The following CLEC16A variants were observed in gnomAD, a reference collection of about 807,000 sequenced individuals.
CLEC16A encodes protein CLEC16A.
CLEC16A carries 51 observed loss-of-function variants against 109.5 expected under a neutral mutation model. The observed-to-expected ratio is 0.47, with a 90% CI of 0.37 to 0.59. CLEC16A has a LOEUF of 0.59. CLEC16A is among the 20% of genes least tolerant of loss of function. The probability of loss-of-function intolerance (pLI) is 0.00; values close to 1 mark genes in which losing one functional copy is unlikely to be tolerated. For synonymous variants in CLEC16A, 673 were observed against 564.2 expected, an observed-to-expected ratio of 1.19 and a Z score of -2.73; for missense variants, 1,339 against 1,394.0, an observed-to-expected ratio of 0.96 and a Z score of 0.63.
At chr16:11,073,231 G>A (rs896925230) in intron 19 of CLEC16A, among the ~76,000 whole-genome samples, 2 of 152,148 alleles carry the variant, frequency 1.3e-5, no homozygotes, top group African/African-American at 4.8e-5. Flanking sequence ...CCGTGTTTTT[G>A]TCTTTAAAGG....
At chr16:11,168,996 G>A (rs1472461577) in intron 23 of CLEC16A, among the ~76,000 whole-genome samples, 2 of 152,226 alleles carry the variant, frequency 1.3e-5, no homozygotes, top group Non-Finnish European at 2.9e-5. Flanking sequence ...TATCCTTGGA[G>A]GGCCAGCCAG....
chr16:11,166,358 C>T (rs776798129), intron 22 of CLEC16A, 30 bp from the exon 23 acceptor site: 2 of 1,573,724 alleles, frequency 1.3e-6, no homozygotes, highest in Non-Finnish European at 1.7e-6. Flanking sequence ...TCTTTGCTTC[C>T]ACTTGGTCAC....
rs1292179816 is a variant in CLEC16A, at chr16:11,126,123, T to C, written c.2618T>C (p.Phe873Ser). ...SSDPTVQRSV[F>S]ASVDKVPGFA... The stretch of plus-strand genomic sequence containing the variant: ...GACCCCACAGTGCAGCGCTCCGTGT[T>C]TGCATCGGTGGACAAGGTGCCAGGT... The change falls in exon 22 of 24, where the codon TTT becomes TCT. Residue 873 changes from phenylalanine (F) to serine (S), a missense_variant. Physicochemically the swap from Phe to Ser is radical, Grantham distance 155. Around this residue, in one of 3 missense-constraint regions of CLEC16A, gnomAD observed 1,061 missense variants for 1,006.8 expected, o/e 1.05. Coordinates refer to ENST00000409790, the MANE Select transcript of CLEC16A (RefSeq NM_015226.3). 6.2e-7 allele frequency: 1 copy of C among 1,613,652 alleles called. No individual in the cohort carries two copies. The highest frequency in any genetic ancestry group is 1.1e-5 in the South Asian group (1 of 91,058).
chr16:11,126,549 C>T, intron 22 of CLEC16A: 1 of 580,066 alleles, frequency 1.7e-6, no homozygotes, highest in Non-Finnish European at 2.7e-6. Context: ...AGTGAGACTT[C>T]AAAAGAAGGC....
rs1597639084 is a variant in CLEC16A, at chr16:11,174,561, CCTT to C, written c.2807-3771_2807-3769del. The stretch of plus-strand genomic sequence containing the variant: ...GACCTGTACAGCCTGGAAACGCTGT[CCTT>C]CTCTGTGACATGTGCACCAGTGTCA... On this transcript the variant is annotated intron_variant, in intron 23 of 23. Coordinates refer to ENST00000409790, the MANE Select transcript of CLEC16A (RefSeq NM_015226.3). The surrounding 1 kb of genome is among the most constrained non-coding windows in gnomAD (Gnocchi z 4.7). 1.3e-5 allele frequency among the ~76,000 whole-genome samples: 2 copies of C among 152,248 alleles called. No individual in the cohort carries two copies. The highest frequency in any genetic ancestry group is 2.9e-5 in the Non-Finnish European group (2 of 68,040).
chr16:11,127,104 C>T (rs1427652044), intron 22 of CLEC16A, among the ~76,000 whole-genome samples: 1 of 152,142 alleles, frequency 6.6e-6, no homozygotes, highest in Non-Finnish European at 1.5e-5. Flanking sequence ...GTCTACTTTG[C>T]TTCAGAAGTA....
chr16:11,120,805 G>C (rs1476816861), intron 20 of CLEC16A, 39 bp downstream of exon 20: 2 of 1,412,744 alleles, frequency 1.4e-6, no homozygotes. Flanking sequence ...TTCTCAGTTG[G>C]CTACAAACAC....
At chr16:11,019,103 A>G (rs934613962) in intron 11 of CLEC16A, among the ~76,000 whole-genome samples, 51 of 152,324 alleles carry the variant, frequency 3.3e-4, no homozygotes, top group African/African-American at 1.2e-3. Flanking sequence ...CTCTGGAAAC[A>G]GAAGTGCAGG....
intron 22 of CLEC16A, among the ~76,000 whole-genome samples, chr16:11,127,040 C>T (rs367837122): frequency 1.3e-5 from 2 of 152,010 alleles, no homozygotes; most frequent in African/African-American, 2.4e-5. Context: ...ATGTATATAC[C>T]GTAGGCATAT....
chr16:11,128,900 A>G (rs2053009475), intron 22 of CLEC16A, among the ~76,000 whole-genome samples: 1 of 152,196 alleles, frequency 6.6e-6, no homozygotes, highest in Non-Finnish European at 1.5e-5. Context: ...GCTTCCATTC[A>G]GCCAGTGGGA....
intron 22 of CLEC16A, among the ~76,000 whole-genome samples, chr16:11,130,033 A>G (rs1597488743): frequency 2.0e-5 from 3 of 152,216 alleles, no homozygotes; most frequent in East Asian, 3.9e-4. Flanking sequence ...AAGTGCTGGG[A>G]TTACAGGCGT....
rs1201796070 is a variant in CLEC16A at position 11,060,849 on chromosome 16, C to G, written c.1996-53C>G. On this transcript the variant is annotated intron_variant, in intron 18 of 23. Coordinates refer to ENST00000409790, the MANE Select transcript of CLEC16A (RefSeq NM_015226.3). Reference sequence around the variant, plus strand: ...TCATTTCTGGGTGTGGGGCATCTCACTGAAATGACTCTGCAATCTCACTCT... The same window carrying G: ...TCATTTCTGGGTGTGGGGCATCTCAGTGAAATGACTCTGCAATCTCACTCT... 6.7e-6 allele frequency: 10 copies of G among 1,486,412 alleles called. No individual in the cohort carries two copies. In the African/African-American group the frequency reaches 1.4e-4, roughly 21 times the overall value. The allele number at this position is 1,486,412 out of a possible 1,614,324, so 92.1% of individuals were successfully genotyped here.
At chr16:11,081,419 C>T (rs530585005) in intron 19 of CLEC16A, among the ~76,000 whole-genome samples, 8 of 152,326 alleles carry the variant, frequency 5.3e-5, no homozygotes, top group African/African-American at 1.9e-4. Context: ...GCCCTTCTTG[C>T]CCGTCTTCTC....
At chr16:11,035,082 T>G (rs1468742184) in intron 13 of CLEC16A, among the ~76,000 whole-genome samples, 1 of 152,194 alleles carries the variant, frequency 6.6e-6, no homozygotes, top group Non-Finnish European at 1.5e-5. Context: ...AATCTAATGT[T>G]CGCCACAAAT....
intron 22 of CLEC16A, 168 bp downstream of exon 22, chr16:11,126,314 G>A: frequency 1.3e-6 from 2 of 1,504,636 alleles, no homozygotes; most frequent in Non-Finnish European, 1.8e-6. Flanking sequence ...ATTAAACACA[G>A]CCCCCAAAAT....
intron 19 of CLEC16A, among the ~76,000 whole-genome samples, chr16:11,110,805 A>G (rs1396232921): frequency 6.6e-6 from 1 of 152,182 alleles, no homozygotes; most frequent in African/African-American, 2.4e-5. Flanking sequence ...AAGGGAGGTG[A>G]TCGGCCCAGG....
At chr16:11,069,447 T>G (rs1322944265) in intron 19 of CLEC16A, among the ~76,000 whole-genome samples, 1 of 152,022 alleles carries the variant, frequency 6.6e-6, no homozygotes, top group African/African-American at 2.4e-5. Flanking sequence ...TTACTATTTT[T>G]TTTTTTATAC....
chr16:11,135,521 G>T (rs1457616356), intron 22 of CLEC16A, among the ~76,000 whole-genome samples: 1 of 152,234 alleles, frequency 6.6e-6, no homozygotes, highest in Non-Finnish European at 1.5e-5. Context: ...GGGAGGGGAA[G>T]AAGAGAGTTC....
At chr16:11,011,098 C>G (rs997704037) in intron 11 of CLEC16A, among the ~76,000 whole-genome samples, 2 of 152,184 alleles carry the variant, frequency 1.3e-5, no homozygotes, top group African/African-American at 2.4e-5. Context: ...TGTGTAATGA[C>G]CTTCCTTTTC....
Sources: gnomAD v4.1 joint callset for allele counts (sites outside exome capture counted in the v4.1 genomes callset) on GRCh38, gnomAD v4.1.1 for gene constraint, gnomAD v4.1.1 regional missense constraint, Gnocchi (gnomAD v3.1) non-coding constraint, MANE v1.5 for transcripts, NCBI Gene and HGNC (gene_info 2026-07-23, HGNC 2026-07-21) for gene names.